The following B3GLCT variants were observed in gnomAD, a reference collection of about 807,000 sequenced individuals.
B3GLCT encodes the protein beta 3-glucosyltransferase.
A neutral mutation model predicts 63.4 loss-of-function variants in B3GLCT; 65 were observed. The ratio of observed to expected loss-of-function variants is 1.03; its 90% CI spans 0.84 to 1.26. The LOEUF (loss-of-function observed/expected upper bound fraction) is 1.26, where lower values mean the gene tolerates loss of function less well. Ranked by LOEUF, B3GLCT falls within the 50% of genes most tolerant of loss-of-function variation. The pLI, the probability that B3GLCT is intolerant of heterozygous loss-of-function variation, is 0.00. For synonymous variants in B3GLCT, 233 were observed against 219.2 expected (o/e 1.06, Z -0.55); for missense variants, 577 against 604.8 (o/e 0.95, Z 0.48).
chr13:31,269,191 AT>A (rs763712935), intron 7 of B3GLCT, 22 bp from the exon 8 acceptor site: 1 of 1,562,718 alleles, frequency 6.4e-7, no homozygotes, highest in Admixed American at 1.7e-5. Context: ...GTTAAAAAAA[AT>A]CAAATTGTCT....
chr13:31,285,915 A>G (rs1873307620), intron 11 of B3GLCT, among the ~76,000 whole-genome samples: 1 of 152,138 alleles, frequency 6.6e-6, no homozygotes, highest in Non-Finnish European at 1.5e-5. Flanking sequence ...TCTAAAAGGG[A>G]TTTGAGGTGG....
chr13:31,218,275 C>T (rs576748503), intron 2 of B3GLCT, among the ~76,000 whole-genome samples: 4 of 151,378 alleles, frequency 2.6e-5, no homozygotes, highest in Admixed American at 1.3e-4. Flanking sequence ...CTACAACCTC[C>T]GCCTCCTGGA....
intron 12 of B3GLCT, among the ~76,000 whole-genome samples, chr13:31,291,813 C>G (rs553415286): frequency 6.6e-6 from 1 of 152,270 alleles, no homozygotes; most frequent in East Asian, 1.9e-4. Context: ...TTATTTCTTT[C>G]TCTTCCTTAT....
chr13:31,323,124 G>T (rs1295751395), intron 13 of B3GLCT, among the ~76,000 whole-genome samples: 2 of 152,200 alleles, frequency 1.3e-5, no homozygotes, highest in African/African-American at 4.8e-5. Context: ...GGAGGGGGTT[G>T]GCCACTAGCA....
chr13:31,284,234 T>G (rs1001306737), intron 10 of B3GLCT, among the ~76,000 whole-genome samples: 2 of 152,232 alleles, frequency 1.3e-5, no homozygotes, highest in African/African-American at 4.8e-5. Flanking sequence ...TGGGTAGTTC[T>G]GTTAGAATCT....
Position 31,284,770 on chromosome 13 carries a change from T to G in B3GLCT, c.964+9T>G, listed in dbSNP as rs748183370. ...TCCTAATACAGATAGAGGTGAGTCATAATTCTTACTACTCTCCTTATTAAA... is the reference window on the plus strand; with the variant it reads ...TCCTAATACAGATAGAGGTGAGTCAGAATTCTTACTACTCTCCTTATTAAA... On this transcript the variant is annotated intron_variant, in intron 11 of 14. Coordinates refer to ENST00000343307, the MANE Select transcript of B3GLCT (RefSeq NM_194318.4). 1 of 1,291,904 alleles carries G rather than the reference T, an allele frequency of 7.7e-7. No homozygotes were observed. The highest frequency in any genetic ancestry group is 2.3e-5 in the East Asian group (1 of 43,322). The allele number at this position is 1,291,904 out of a possible 1,614,324, so 80.0% of individuals were successfully genotyped here. A position where few individuals can be genotyped will look rare whatever the true frequency, so the allele number is the denominator to read the frequency against.
intron 1 of B3GLCT, among the ~76,000 whole-genome samples, chr13:31,209,264 G>T (rs1250761424): frequency 1.3e-5 from 2 of 152,192 alleles, no homozygotes; most frequent in East Asian, 3.9e-4. Context: ...TCGCTGGGCT[G>T]CAGGGGTGTT....
chr13:31,206,759 A>T (rs1396891291), intron 1 of B3GLCT, among the ~76,000 whole-genome samples: 1 of 151,998 alleles, frequency 6.6e-6, no homozygotes, highest in African/African-American at 2.4e-5. Flanking sequence ...AAAACAAAAG[A>T]TGATCGGTGG....
intron 12 of B3GLCT, among the ~76,000 whole-genome samples, chr13:31,295,828 C>G (rs1873910391): frequency 6.6e-6 from 1 of 152,166 alleles, no homozygotes; most frequent in Non-Finnish European, 1.5e-5. Context: ...GTGAACAGTT[C>G]TGTCTCACTG....
At chr13:31,217,084 TCTG>T (rs1869601024) in intron 2 of B3GLCT, among the ~76,000 whole-genome samples, 1 of 152,252 alleles carries the variant, frequency 6.6e-6, no homozygotes, top group African/African-American at 2.4e-5. Context: ...TTCCCTTTTC[TCTG>T]CAACCTTGCC....
chr13:31,234,492 T>C (rs1210020782), intron 4 of B3GLCT, among the ~76,000 whole-genome samples: 2 of 152,078 alleles, frequency 1.3e-5, no homozygotes, highest in Admixed American at 6.5e-5. Flanking sequence ...TATTAGGCAC[T>C]AGCTAGGTTG....
intron 12 of B3GLCT, among the ~76,000 whole-genome samples, chr13:31,308,362 A>AAAACAGAAC: frequency 1.6e-5 from 1 of 61,890 alleles, no homozygotes; most frequent in South Asian, 7.5e-4. Context: ...AAAAAAAAAC[A>AAAACAGAAC]AAAAAAAAAG....
At chr13:31,224,186 C>T (rs1213164738) in intron 3 of B3GLCT, among the ~76,000 whole-genome samples, 2 of 152,096 alleles carry the variant, frequency 1.3e-5, no homozygotes, top group Non-Finnish European at 1.5e-5. Flanking sequence ...TAAGGAACCA[C>T]GTCAATTTGT....
intron 5 of B3GLCT, 80 bp from the exon 6 acceptor site, chr13:31,247,775 A>G (rs1405619974): frequency 2.7e-6 from 2 of 738,478 alleles, no homozygotes; most frequent in African/African-American, 1.8e-5. Context: ...CCCTTCATTC[A>G]CTTCCTACTG....
rs141840044 is a variant in B3GLCT at position 31,271,237 on chromosome 13, T to C, written c.660+1960T>C. ...CTATCTGCCTAGGCATTTGGCTGTC[T>C]CCCACCTCTATCACAAATAACTGTT... On this transcript the variant is annotated intron_variant, in intron 8 of 14. Coordinates refer to ENST00000343307, the MANE Select transcript of B3GLCT (RefSeq NM_194318.4). Among the ~76,000 whole-genome samples the C allele has an allele frequency of 5.5e-3, 844 of 152,354 alleles. 6 individuals carry two copies. Among genetic ancestry groups the C allele is most frequent in the African/African-American group, 0.018 (767 of 41,584 alleles).
At chr13:31,269,460 G>T (rs767292770) in intron 8 of B3GLCT, among the ~76,000 whole-genome samples, 183 bp downstream of exon 8, 2 of 152,158 alleles carry the variant, frequency 1.3e-5, no homozygotes, top group African/African-American at 4.8e-5. Context: ...CAGTTATGTA[G>T]ATGAAGACAG....
At chr13:31,230,459 G>A (rs1187217671) in intron 4 of B3GLCT, among the ~76,000 whole-genome samples, 1 of 152,152 alleles carries the variant, frequency 6.6e-6, no homozygotes, top group Non-Finnish European at 1.5e-5. Flanking sequence ...GAAAATAAAG[G>A]GTCAGAAATG....
At chr13:31,224,797 C>A (rs1017490630) in intron 3 of B3GLCT, among the ~76,000 whole-genome samples, 5 of 152,102 alleles carry the variant, frequency 3.3e-5, no homozygotes, top group Non-Finnish European at 5.9e-5. Flanking sequence ...CTTGTTACAG[C>A]TTATATCAGA....
intron 12 of B3GLCT, among the ~76,000 whole-genome samples, chr13:31,302,490 C>G (rs1874273991): frequency 7.5e-6 from 1 of 133,528 alleles, no homozygotes; most frequent in Non-Finnish European, 1.6e-5. Context: ...CGAGCCGAAG[C>G]AGGGCGAGGC....
Sources: allele counts gnomAD v4.1 joint callset (sites outside exome capture counted in the v4.1 genomes callset), GRCh38; gene constraint gnomAD v4.1.1; transcripts MANE v1.5; gene names NCBI Gene and HGNC (gene_info 2026-07-23, HGNC 2026-07-21).